MAPK14: variants seen among roughly 807,000 people sequenced by gnomAD.
The protein encoded by MAPK14 is mitogen-activated protein kinase 14, also known as CSAID-binding protein.
Under a neutral mutation model 49.6 loss-of-function variants are expected in MAPK14, and 16 were observed. The ratio of observed to expected loss-of-function variants is 0.32; its 90% confidence interval spans 0.22 to 0.49. MAPK14 has a LOEUF of 0.49. MAPK14 is among the 20% of genes least tolerant of loss of function. MAPK14 has a pLI of 0.99. For missense variants in MAPK14, 200 were observed against 441.2 expected, an observed-to-expected ratio of 0.45 and a Z score of 4.90; for synonymous variants, 142 against 158.0, an observed-to-expected ratio of 0.90 and a Z score of 0.76.
Position 36,052,713 on chromosome 6 carries a change from C to T in MAPK14, c.131C>T (p.Thr44Ile). Reference protein sequence around the residue: ...AYGSVCAAFDTKTGLRVAVKK... With the variant: ...AYGSVCAAFDIKTGLRVAVKK... ...TTTCTCCTTAGTGCTGCTTTTGACA[C>T]AAAAACGGGGTTACGTGTGGCAGTG... is the stretch of plus-strand genomic sequence containing the variant. Residue 44 changes from threonine to isoleucine, a missense_variant, in exon 2 of 12, where the codon ACA (threonine) becomes ATA (isoleucine). Transcript: ENST00000229794. 1 of 1,606,000 alleles carries T rather than the reference C, an allele frequency of 6.2e-7. No individual in the cohort carries two copies. The highest frequency in any genetic ancestry group is 1.7e-5 in the Admixed American group (1 of 58,494).
At position 36,108,592 on chromosome 6, in the gene MAPK14, T is replaced by G; in HGVS notation, c.*145T>G. The G allele has an allele frequency of 1.5e-6, 1 of 669,142 alleles. No homozygotes were observed. Among genetic ancestry groups the G allele is most frequent in the Non-Finnish European group, 2.7e-6 (1 of 367,720 alleles). The allele number at this position is 669,142 out of a possible 1,614,324, so 41.5% of individuals were successfully genotyped here. A position where few individuals can be genotyped will look rare whatever the true frequency, so the allele number is the denominator to read the frequency against. Reference sequence around the variant, plus strand: ...GGTGTGCGTGCGTGTGCGTGCGTGTTAGTGTGTGTGCATGTGTGTGTCTGT... The same window carrying G: ...GGTGTGCGTGCGTGTGCGTGCGTGTGAGTGTGTGTGCATGTGTGTGTCTGT... On this transcript the variant is annotated 3_prime_UTR_variant, in exon 12 of 12. Coordinates refer to ENST00000229794, the MANE Select transcript of MAPK14 (RefSeq NM_139012.3).
chr6:36,067,083 C>T (rs1764089890), intron 3 of MAPK14, among the ~76,000 whole-genome samples: 1 of 151,688 alleles, frequency 6.6e-6, no homozygotes. Context: ...TGGTGGGTGG[C>T]GAAACTCCTT....
intron 9 of MAPK14, among the ~76,000 whole-genome samples, chr6:36,099,883 G>A (rs1398816551): frequency 2.0e-5 from 3 of 152,284 alleles, no homozygotes; most frequent in Non-Finnish European, 4.4e-5. Context: ...TTCTATGGCT[G>A]GCATCCTGGA....
At chr6:36,060,548 C>T (rs1389914649) in intron 3 of MAPK14, among the ~76,000 whole-genome samples, 1 of 152,166 alleles carries the variant, frequency 6.6e-6, no homozygotes, top group Non-Finnish European at 1.5e-5. Context: ...GACTTCTCTT[C>T]CTTAACCTCC....
intron 1 of MAPK14, 71 bp from the exon 2 acceptor site, chr6:36,052,628 C>T (rs1449508269): frequency 1.4e-6 from 2 of 1,419,836 alleles, no homozygotes; most frequent in Non-Finnish European, 1.9e-6. Context: ...TGGAAATAGC[C>T]TTATAAATAC....
intron 1 of MAPK14, among the ~76,000 whole-genome samples, chr6:36,033,760 T>C (rs1762635279): frequency 6.6e-6 from 1 of 152,258 alleles, no homozygotes; most frequent in Non-Finnish European, 1.5e-5. Flanking sequence ...TTGCCTTTCA[T>C]GGGCAAGAGT....
chr6:36,082,372 T>C (rs1392491976), intron 8 of MAPK14, among the ~76,000 whole-genome samples: 1 of 152,254 alleles, frequency 6.6e-6, no homozygotes, highest in Non-Finnish European at 1.5e-5. Flanking sequence ...TTTTCATAAA[T>C]GCCCTTTATC....
chr6:36,077,788 G>A (rs1430941452), intron 8 of MAPK14, among the ~76,000 whole-genome samples: 1 of 152,122 alleles, frequency 6.6e-6, no homozygotes, highest in East Asian at 1.9e-4. Flanking sequence ...AATACCTGGT[G>A]TTTCTCCTTT....
intron 1 of MAPK14, among the ~76,000 whole-genome samples, chr6:36,039,287 A>G (rs1762865306): frequency 1.3e-5 from 2 of 152,234 alleles, no homozygotes; most frequent in African/African-American, 2.4e-5. Context: ...TCCCATGGCA[A>G]CATAACAAAA....
chr6:36,082,571 C>T (rs1222971827), intron 8 of MAPK14, among the ~76,000 whole-genome samples: 1 of 152,178 alleles, frequency 6.6e-6, no homozygotes. Context: ...GTAGGGGGAA[C>T]AGGCATGTCA....
At chr6:36,051,491 C>G (rs776034434) in intron 1 of MAPK14, among the ~76,000 whole-genome samples, 4 of 152,174 alleles carry the variant, frequency 2.6e-5, no homozygotes, top group Non-Finnish European at 5.9e-5. Flanking sequence ...GCATCTCTTA[C>G]GTCATCCCTT....
intron 9 of MAPK14, chr6:36,096,732 T>C (rs1353747589): frequency 6.6e-6 from 1 of 152,216 alleles, no homozygotes; most frequent in Non-Finnish European, 1.5e-5. Flanking sequence ...CCTATTGCCT[T>C]GTAATTATAA....
chr6:36,075,989 C>T, intron 7 of MAPK14, 27 bp downstream of exon 7: 1 of 1,611,396 alleles, frequency 6.2e-7, no homozygotes, highest in Non-Finnish European at 8.5e-7. Flanking sequence ...TTATTTAGGG[C>T]CTTATTTAAT....
At chr6:36,045,808 C>CAAAAAAAAAAAAAAAAA (rs371920281) in intron 1 of MAPK14, among the ~76,000 whole-genome samples, 1 of 46,388 alleles carries the variant, frequency 2.2e-5, no homozygotes. Flanking sequence ...GACTCTGTCT[C>CAAAAAAAAAAAAAAAAA]AAAAAAAAAA....
At chr6:36,048,072 C>T (rs1475007239) in intron 1 of MAPK14, among the ~76,000 whole-genome samples, 1 of 150,888 alleles carries the variant, frequency 6.6e-6, no homozygotes, top group Non-Finnish European at 1.5e-5. Flanking sequence ...GACAGAGTCT[C>T]ACTCTGTTGC....
At chr6:36,085,562 A>G (rs1581816636) in intron 8 of MAPK14, among the ~76,000 whole-genome samples, 1 of 152,194 alleles carries the variant, frequency 6.6e-6, no homozygotes, top group East Asian at 1.9e-4. Context: ...GCAAATATCA[A>G]AAAAGACAAG....
chr6:36,100,224 G>A (rs1342442728), intron 9 of MAPK14: 2 of 1,613,780 alleles, frequency 1.2e-6, no homozygotes, highest in Non-Finnish European at 1.7e-6. Context: ...CGTCTGACAG[G>A]AACACCCCCC....
At chr6:36,035,870 G>A (rs1033318012) in intron 1 of MAPK14, among the ~76,000 whole-genome samples, 1 of 152,124 alleles carries the variant, frequency 6.6e-6, no homozygotes, top group Admixed American at 6.6e-5. Flanking sequence ...AGATAAGTTT[G>A]AAGCTAGCAG....
chr6:36,082,100 T>C (rs1764789289), intron 8 of MAPK14, among the ~76,000 whole-genome samples: 1 of 152,238 alleles, frequency 6.6e-6, no homozygotes, highest in Non-Finnish European at 1.5e-5. Flanking sequence ...TCAATTTATT[T>C]ATTAGCTCTA....
Sources: allele counts gnomAD v4.1 joint callset (sites outside exome capture counted in the v4.1 genomes callset), GRCh38; gene constraint gnomAD v4.1.1; transcripts MANE v1.5; gene names NCBI Gene and HGNC (gene_info 2026-07-23, HGNC 2026-07-21).